DTNB: variants seen among roughly 807,000 people sequenced by gnomAD.
DTNB encodes the protein DTN-B.
Under a neutral mutation model 90.7 loss-of-function variants are expected in DTNB, and 63 were observed. The ratio of observed to expected loss-of-function variants is 0.69; its 90% CI spans 0.57 to 0.86. The LOEUF (loss-of-function observed/expected upper bound fraction) is 0.86. Ranked by LOEUF, DTNB falls within the 40% of genes least tolerant of loss-of-function variation. The pLI, the probability that DTNB is intolerant of heterozygous loss-of-function variation, is 0.00. For synonymous variants in DTNB, 277 were observed against 286.7 expected (o/e 0.97, Z 0.34); for missense variants, 744 against 807.1 (o/e 0.92, Z 0.95).
At chr2:25,436,843 T>A (rs1442869681) in intron 12 of DTNB, among the ~76,000 whole-genome samples, 1 of 151,890 alleles carries the variant, frequency 6.6e-6, no homozygotes. Flanking sequence ...CTTAATAGAG[T>A]GAGACGAGGG....
chr2:25,520,029 G>A (rs746583365), intron 9 of DTNB, among the ~76,000 whole-genome samples: 3 of 151,940 alleles, frequency 2.0e-5, no homozygotes, highest in Non-Finnish European at 4.4e-5. Context: ...TGTAACACCC[G>A]ATAATTGGAG....
intron 4 of DTNB, among the ~76,000 whole-genome samples, chr2:25,608,191 G>A (rs1284348428): frequency 1.3e-5 from 2 of 152,156 alleles, no homozygotes; most frequent in Non-Finnish European, 2.9e-5. Flanking sequence ...GTAACTTAGA[G>A]TAAAACACTT....
At chr2:25,569,037 G>A (rs534348849) in intron 8 of DTNB, among the ~76,000 whole-genome samples, 2 of 152,314 alleles carry the variant, frequency 1.3e-5, no homozygotes, top group Non-Finnish European at 1.5e-5. Context: ...CACATTAAGA[G>A]AACACACATA....
intron 8 of DTNB, among the ~76,000 whole-genome samples, chr2:25,540,803 C>T (rs1053021673): frequency 6.6e-6 from 1 of 151,990 alleles, no homozygotes; most frequent in African/African-American, 2.4e-5. Flanking sequence ...GGATTAAGGG[C>T]GGTGCAAGAT....
intron 3 of DTNB, among the ~76,000 whole-genome samples, chr2:25,638,036 A>G (rs1293690624): frequency 6.6e-6 from 1 of 152,264 alleles, no homozygotes; most frequent in East Asian, 1.9e-4. Flanking sequence ...GCCATAAAAA[A>G]GGATGAGTTC....
rs2077515122 is a variant in DTNB at position 25,638,287 on chromosome 2, A to C, written c.148+727T>G. ...ACGAGTTAATGGGTGCAGCACACCA[A>C]CATGGCACATGTATACATATGTAAC... On this transcript the variant is annotated intron_variant, in intron 3 of 20. Transcript: ENST00000406818. Among the ~76,000 whole-genome samples the C allele has an allele frequency of 1.3e-5, 2 of 152,208 alleles. 1 individual carries two copies. The highest frequency in any genetic ancestry group is 4.1e-4 in the South Asian group (2 of 4,826).
chr2:25,583,270 T>A (rs542378681), intron 6 of DTNB, among the ~76,000 whole-genome samples: 119 of 146,360 alleles, frequency 8.1e-4, no homozygotes, highest in African/African-American at 1.9e-3. Flanking sequence ...AAAATATATA[T>A]ATATATATAT....
chr2:25,626,485 C>T (rs935109279), intron 4 of DTNB, among the ~76,000 whole-genome samples: 4 of 152,040 alleles, frequency 2.6e-5, no homozygotes, highest in South Asian at 2.1e-4. Context: ...AGATTTCTGC[C>T]GGGCACAGTG....
At chr2:25,620,832 G>A (rs1439053607) in intron 4 of DTNB, among the ~76,000 whole-genome samples, 1 of 152,076 alleles carries the variant, frequency 6.6e-6, no homozygotes, top group Non-Finnish European at 1.5e-5. Context: ...TAAATAGCCT[G>A]TTCACACTGA....
At chr2:25,649,937 G>C in intron 2 of DTNB, 4 of 851,628 alleles carry the variant, frequency 4.7e-6, no homozygotes, top group Non-Finnish European at 5.6e-6. Context: ...AAATGAGGGG[G>C]TGGGGCTTCC....
At chr2:25,615,409 A>C (rs1242770118) in intron 4 of DTNB, among the ~76,000 whole-genome samples, 1 of 152,138 alleles carries the variant, frequency 6.6e-6, no homozygotes, top group East Asian at 1.9e-4. Flanking sequence ...AGTGGGGCTT[A>C]AAGTCCCAAC....
chr2:25,469,430 TATTCATTC>T (rs762828529), intron 10 of DTNB, among the ~76,000 whole-genome samples: 5 of 152,142 alleles, frequency 3.3e-5, no homozygotes, highest in African/African-American at 9.7e-5. Context: ...TGCCCAAGCC[TATTCATTC>T]ATTCATTCAT....
chr2:25,416,204 G>C (rs1160174423), intron 16 of DTNB, among the ~76,000 whole-genome samples: 3 of 152,232 alleles, frequency 2.0e-5, no homozygotes, highest in Non-Finnish European at 4.4e-5. Flanking sequence ...TTTGGTGTCA[G>C]AGTGTTATCT....
At chr2:25,480,861 C>A (rs549147620) in intron 10 of DTNB, among the ~76,000 whole-genome samples, 1 of 152,280 alleles carries the variant, frequency 6.6e-6, no homozygotes, top group African/African-American at 2.4e-5. Flanking sequence ...ACATAAAAAA[C>A]TGAAGTCCAA....
intron 8 of DTNB, among the ~76,000 whole-genome samples, chr2:25,543,692 T>C (rs2081837919): frequency 6.6e-6 from 1 of 152,252 alleles, no homozygotes; most frequent in Non-Finnish European, 1.5e-5. Flanking sequence ...TTTTTATTCA[T>C]TTTTATGGCT....
At chr2:25,540,176 A>G (rs1036805435) in intron 8 of DTNB, among the ~76,000 whole-genome samples, 1 of 152,096 alleles carries the variant, frequency 6.6e-6, no homozygotes, top group Non-Finnish European at 1.5e-5. Flanking sequence ...GTCATTTACC[A>G]CCCAAAAAAT....
intron 20 of DTNB, among the ~76,000 whole-genome samples, chr2:25,378,047 G>C (rs1041884177): frequency 2.6e-5 from 4 of 152,206 alleles, no homozygotes; most frequent in African/African-American, 9.7e-5. Context: ...TTCTGGCATG[G>C]AGCTTCTGGT....
intron 10 of DTNB, among the ~76,000 whole-genome samples, chr2:25,463,359 C>T (rs1314747220): frequency 6.6e-6 from 1 of 152,186 alleles, no homozygotes; most frequent in Non-Finnish European, 1.5e-5. Context: ...CCTCCACTGC[C>T]GCCATGACTT....
At chr2:25,635,519 G>C (rs2148803145) in intron 3 of DTNB, among the ~76,000 whole-genome samples, 1 of 152,298 alleles carries the variant, frequency 6.6e-6, no homozygotes, top group South Asian at 2.1e-4. Flanking sequence ...AATAGTTCTA[G>C]GGATGACCAT....
Sources: gnomAD v4.1 joint callset for allele counts (sites outside exome capture counted in the v4.1 genomes callset) on GRCh38, gnomAD v4.1.1 for gene constraint, MANE v1.5 for transcripts, NCBI Gene and HGNC (gene_info 2026-07-23, HGNC 2026-07-21) for gene names.